DOCK8: variants seen among roughly 807,000 people sequenced by gnomAD.
DOCK8 encodes dedicator of cytokinesis protein 8.
In DOCK8, 141 loss-of-function variants were observed where a neutral mutation model predicts 245.6. The observed-to-expected ratio is 0.57, with a 90% CI of 0.50 to 0.66. The LOEUF (loss-of-function observed/expected upper bound fraction) is 0.66, where lower values mean the gene tolerates loss of function less well. DOCK8 is among the 30% of genes least tolerant of loss of function. The pLI, the probability that DOCK8 is intolerant of heterozygous loss-of-function variation, is 0.00. For synonymous variants in DOCK8, 1,168 were observed against 970.2 expected, an observed-to-expected ratio of 1.20 and a Z score of -3.79; for missense variants, 2,965 against 2,603.4, an observed-to-expected ratio of 1.14 and a Z score of -3.02.
chr9:214,808 TC>T (rs756087123), upstream of DOCK8: 29 of 1,587,586 alleles, frequency 1.8e-5, no homozygotes, highest in Non-Finnish European at 2.2e-5. Context: ...GCTCGGACCC[TC>T]CCCCGGGGTG....
intron 18 of DOCK8, among the ~76,000 whole-genome samples, chr9:373,416 C>G (rs1420211149): frequency 6.6e-6 from 1 of 152,192 alleles, no homozygotes; most frequent in African/African-American, 2.4e-5. Flanking sequence ...TTAGTATCAT[C>G]AAATATTCAG....
chr9:411,750 T>G (rs2055742039), intron 28 of DOCK8, among the ~76,000 whole-genome samples: 1 of 152,174 alleles, frequency 6.6e-6, no homozygotes, highest in Non-Finnish European at 1.5e-5. Context: ...CATGGCTAAG[T>G]AGGATTTATC....
At chr9:319,744 G>C (rs2130771861) in intron 7 of DOCK8, among the ~76,000 whole-genome samples, 1 of 150,460 alleles carries the variant, frequency 6.6e-6, no homozygotes, top group East Asian at 2.0e-4. Flanking sequence ...AAGATACAGA[G>C]AGAATTAGGG....
In DOCK8 at chr9:463,428, T is replaced by C. The variant is rs1487238008; in HGVS notation, c.6069-89T>C. On this transcript the variant is annotated intron_variant, in intron 46 of 47. Transcript: ENST00000432829. ...CAGTTTGAAAACGTTCTTAAAGTTA[T>C]TCGAAAAATCGTAAGTAATTTCATT... 7 of 1,536,046 alleles carry C rather than the reference T, an allele frequency of 4.6e-6. No homozygotes were observed. In the East Asian group the frequency reaches 1.4e-4, roughly 30 times the overall value.
intron 15 of DOCK8, chr9:368,441 T>G (rs946001319): frequency 6.5e-6 from 4 of 615,640 alleles, no homozygotes; most frequent in Non-Finnish European, 1.2e-5. Context: ...GCATACAAAG[T>G]AAAGAGATGG....
At chr9:333,445 C>G (rs1687836080) in intron 10 of DOCK8, among the ~76,000 whole-genome samples, 1 of 152,000 alleles carries the variant, frequency 6.6e-6, no homozygotes, top group Non-Finnish European at 1.5e-5. Context: ...GCTAAAAATA[C>G]AAAAAATTAG....
intron 8 of DOCK8, 129 bp from the exon 9 acceptor site, chr9:327,893 C>T: frequency 2.3e-6 from 2 of 856,668 alleles, no homozygotes; most frequent in Non-Finnish European, 3.9e-6. Flanking sequence ...CTTTCCTAAA[C>T]CACATCTGTG....
intron 1 of DOCK8, among the ~76,000 whole-genome samples, chr9:248,561 CTT>C (rs1385353771): frequency 2.8e-5 from 3 of 108,986 alleles, no homozygotes; most frequent in Non-Finnish European, 5.9e-5. Context: ...CTCTCTCTCT[CTT>C]TCTTTCTTTC....
intron 1 of DOCK8, among the ~76,000 whole-genome samples, chr9:245,634 T>G (rs1349725908): frequency 6.6e-6 from 1 of 152,200 alleles, no homozygotes; most frequent in Non-Finnish European, 1.5e-5. Flanking sequence ...CCAAGGAGGC[T>G]GACCCACACC....
chr9:327,857 C>G (rs1011190545), intron 8 of DOCK8, among the ~76,000 whole-genome samples, 165 bp from the exon 9 acceptor site: 6 of 152,172 alleles, frequency 3.9e-5, no homozygotes, highest in African/African-American at 1.4e-4. Flanking sequence ...TGTGACAAAA[C>G]ATTTGTCAGA....
rs367719003 is a variant in DOCK8 at position 455,028 on chromosome 9, T to C, written c.6068+2911T>C. On this transcript the variant is annotated intron_variant, in intron 46 of 47. Coordinates refer to ENST00000432829, the MANE Select transcript of DOCK8 (RefSeq NM_203447.4). ...CTACAGAAATGTTGGATTTTCAAAATCAAATTCACCATTTTAAAGTTGTTC... is the reference window on the plus strand; with the variant it reads ...CTACAGAAATGTTGGATTTTCAAAACCAAATTCACCATTTTAAAGTTGTTC... Among the ~76,000 whole-genome samples, 16 of 152,342 alleles carry C rather than the reference T, an allele frequency of 1.1e-4. No homozygotes were observed. In the East Asian group the frequency reaches 2.5e-3, roughly 24 times the overall value.
chr9:257,445 A>G (rs911303588), intron 1 of DOCK8, among the ~76,000 whole-genome samples: 2 of 152,204 alleles, frequency 1.3e-5, no homozygotes, highest in Non-Finnish European at 2.9e-5. Flanking sequence ...GCAATAGACC[A>G]GTGGTTCCCA....
At chr9:377,700 A>C (rs1484981716) in intron 20 of DOCK8, among the ~76,000 whole-genome samples, 1 of 152,218 alleles carries the variant, frequency 6.6e-6, no homozygotes. Flanking sequence ...TTGTGCAATG[A>C]TCGCTACAAT....
At chr9:405,831 A>T (rs537281881) in intron 27 of DOCK8, among the ~76,000 whole-genome samples, 4 of 152,338 alleles carry the variant, frequency 2.6e-5, no homozygotes, top group African/African-American at 7.2e-5. Context: ...TAGCTACATG[A>T]CCATCTTACT....
At chr9:410,770 G>A (rs971606723) in intron 28 of DOCK8, among the ~76,000 whole-genome samples, 3 of 152,102 alleles carry the variant, frequency 2.0e-5, no homozygotes, top group African/African-American at 7.2e-5. Context: ...ACGGAAATCC[G>A]CAAGATGAAA....
chr9:265,722 C>T (rs73374505), intron 1 of DOCK8, among the ~76,000 whole-genome samples: 6,317 of 152,182 alleles, frequency 0.042, 399 homozygotes, highest in African/African-American at 0.14. Context: ...CAGGGAGAAG[C>T]CTTCCAGGGC....
chr9:233,799 G>A (rs796141558), intron 1 of DOCK8, among the ~76,000 whole-genome samples: 5 of 151,904 alleles, frequency 3.3e-5, no homozygotes, highest in South Asian at 2.1e-4. Context: ...GTCTCTGCAC[G>A]TGAGATGGGT....
upstream of DOCK8, chr9:213,225 G>A (rs922343821): frequency 2.6e-5 from 4 of 152,170 alleles, no homozygotes; most frequent in Non-Finnish European, 4.4e-5. Flanking sequence ...GGTGGGCATT[G>A]GGGGGCGGGG....
chr9:240,608 C>T (rs2047354745), intron 1 of DOCK8, among the ~76,000 whole-genome samples: 2 of 152,252 alleles, frequency 1.3e-5, no homozygotes, highest in South Asian at 2.1e-4. Context: ...GCCAGAGCTA[C>T]ATGTTACTTA....
Sources: gnomAD v4.1 joint callset for allele counts (sites outside exome capture counted in the v4.1 genomes callset) on GRCh38, gnomAD v4.1.1 for gene constraint, MANE v1.5 for transcripts, NCBI Gene and HGNC (gene_info 2026-07-23, HGNC 2026-07-21) for gene names.